Variants in RTF1 observed in about 807,000 individuals in gnomAD.
The protein encoded by RTF1 is RTF1 homolog, Paf1/RNA polymerase II complex component.
RTF1 carries 10 observed loss-of-function variants against 95.7 expected under a neutral mutation model. That is an observed-to-expected ratio of 0.10 (90% confidence interval 0.06 to 0.18). The LOEUF is 0.18. Among genes scored for constraint, RTF1 ranks in the 10% least tolerant of loss-of-function variants. The pLI is 1.00. For synonymous variants in RTF1, 305 were observed against 311.8 expected, an observed-to-expected ratio of 0.98 and a Z score of 0.23; for missense variants, 458 against 875.6, an observed-to-expected ratio of 0.52 and a Z score of 6.02.
intron 1 of RTF1, among the ~76,000 whole-genome samples, chr15:41,433,935 T>G (rs1375894868): frequency 6.7e-6 from 1 of 149,054 alleles, no homozygotes; most frequent in Non-Finnish European, 1.5e-5. Context: ...AACCTCTGCC[T>G]CCCAGGTTCA....
At chr15:41,429,987 T>G (rs2140947426) in intron 1 of RTF1, among the ~76,000 whole-genome samples, 1 of 143,536 alleles carries the variant, frequency 7.0e-6, no homozygotes, top group African/African-American at 2.5e-5. Flanking sequence ...TTAATTTAAT[T>G]TAATTTATTT....
intron 3 of RTF1, among the ~76,000 whole-genome samples, chr15:41,453,424 T>G (rs1294124307): frequency 6.6e-6 from 1 of 152,102 alleles, no homozygotes; most frequent in Non-Finnish European, 1.5e-5. Flanking sequence ...TTTTCAACAC[T>G]AGTTTGAAAA....
chr15:41,450,948 G>A (rs955119404), intron 2 of RTF1, among the ~76,000 whole-genome samples: 9 of 151,822 alleles, frequency 5.9e-5, no homozygotes, highest in South Asian at 4.1e-4. Flanking sequence ...CGAGACCCTG[G>A]CTCAAAAACA....
chr15:41,462,007 G>A (rs78147124), intron 4 of RTF1, among the ~76,000 whole-genome samples: 2 of 150,494 alleles, frequency 1.3e-5, no homozygotes, highest in Non-Finnish European at 3.0e-5. Context: ...CGTCCACCTC[G>A]GCTTCCCAAA....
At chr15:41,449,685 G>C (rs1174770586) in intron 2 of RTF1, among the ~76,000 whole-genome samples, 1 of 151,354 alleles carries the variant, frequency 6.6e-6, no homozygotes, top group East Asian at 1.9e-4. Flanking sequence ...TACTTTTCTG[G>C]TTGTGCACTG....
In RTF1 at chr15:41,449,227, A is replaced by ATTTTTTTTTTTTTTTT. The variant is rs34660598; in HGVS notation, c.310-3668_310-3653dup. 8.3e-4 allele frequency among the ~76,000 whole-genome samples: 91 copies of ATTTTTTTTTTTTTTTT among 109,280 alleles called. 2 individuals carry two copies. Among genetic ancestry groups the ATTTTTTTTTTTTTTTT allele is most frequent in the African/African-American group, 2.3e-3 (62 of 26,394 alleles). The allele number at this position is 109,280 out of a possible 152,430, so 71.7% of individuals were successfully genotyped here. The stretch of plus-strand genomic sequence containing the variant: ...TTGTCCCTGTTGTGGAGGCAGGTGA[A>ATTTTTTTTTTTTTTTT]TTTTTTTTTTTTTTTTTTTTTGAGA... On this transcript the variant is annotated intron_variant, in intron 2 of 17. Coordinates refer to ENST00000389629, the MANE Select transcript of RTF1 (RefSeq NM_015138.5).
At chr15:41,479,047 C>T in intron 15 of RTF1, 56 bp from the exon 16 acceptor site, 1 of 1,215,350 alleles carries the variant, frequency 8.2e-7, no homozygotes, top group Non-Finnish European at 1.2e-6. Context: ...AAGAATCTGG[C>T]AGTAGGACTC....
intron 1 of RTF1, among the ~76,000 whole-genome samples, chr15:41,418,109 G>T (rs1355538362): frequency 6.6e-6 from 1 of 152,206 alleles, no homozygotes; most frequent in Non-Finnish European, 1.5e-5. Flanking sequence ...TTTGGCCTCA[G>T]TGTCTTGGGG....
At chr15:41,424,527 C>G (rs1245681569) in intron 1 of RTF1, among the ~76,000 whole-genome samples, 1 of 151,922 alleles carries the variant, frequency 6.6e-6, no homozygotes, top group Non-Finnish European at 1.5e-5. Flanking sequence ...CTGTTTTGAC[C>G]CTTTGAGGAT....
chr15:41,422,633 A>G (rs1230592481), intron 1 of RTF1, among the ~76,000 whole-genome samples: 1 of 152,120 alleles, frequency 6.6e-6, no homozygotes, highest in Non-Finnish European at 1.5e-5. Flanking sequence ...AAATTGAGCT[A>G]TGTGCACACT....
chr15:41,474,639 T>C lies in RTF1; in HGVS notation c.1223T>C (p.Val408Ala), dbSNP rs760784199. 12 of 1,614,056 alleles carry C rather than the reference T, an allele frequency of 7.4e-6. No homozygotes were observed. The highest frequency in any genetic ancestry group is 1.0e-5 in the Non-Finnish European group (12 of 1,179,926). The change falls in exon 9 of 18, where the codon GTT (valine) becomes GCT (alanine). Residue 408 changes from valine to alanine, a missense_variant. Around this residue, in one of 11 missense-constraint regions of RTF1, gnomAD observed 150 missense variants for 275.7 expected, o/e 0.54. Coordinates refer to ENST00000389629, the MANE Select transcript of RTF1 (RefSeq NM_015138.5). ...ACTTAGGTCGCTGAGATTACGGGTG[T>C]TGTGGAAACTGCCAAAGTTTACCAA... ...PVYRVAEITGVVETAKVYQLG... is the reference protein window; with the variant it reads ...PVYRVAEITGAVETAKVYQLG...
At chr15:41,448,011 C>G (rs1014717759) in intron 2 of RTF1, among the ~76,000 whole-genome samples, 1 of 152,086 alleles carries the variant, frequency 6.6e-6, no homozygotes, top group African/African-American at 2.4e-5. Flanking sequence ...TTCATTTTCC[C>G]TCTGTCTCAG....
intron 6 of RTF1, among the ~76,000 whole-genome samples, chr15:41,467,638 C>G (rs546984154): frequency 1.3e-5 from 2 of 151,960 alleles, no homozygotes; most frequent in Non-Finnish European, 2.9e-5. Flanking sequence ...TCCCTTGAAC[C>G]CGGGAGACGG....
At position 41,481,261 on chromosome 15, in the gene RTF1, A is replaced by T. The variant is rs2050972697; in HGVS notation, c.*574A>T. On this transcript the variant is annotated 3_prime_UTR_variant, in exon 18 of 18. Transcript: ENST00000389629. Reference sequence around the variant, plus strand: ...TACATTTGTGGGGGGGGGGGGTCTAATTTGAGAGCGAGAGTGTGTATGTGT... The same window carrying T: ...TACATTTGTGGGGGGGGGGGGTCTATTTTGAGAGCGAGAGTGTGTATGTGT... The T allele has an allele frequency of 6.9e-6, 1 of 145,250 alleles. No individual in the cohort carries two copies. The allele number at this position is 145,250 out of a possible 1,614,324, so 9.0% of individuals were successfully genotyped here.
intron 1 of RTF1, among the ~76,000 whole-genome samples, chr15:41,419,270 T>C (rs908387566): frequency 6.6e-6 from 1 of 152,216 alleles, no homozygotes; most frequent in Non-Finnish European, 1.5e-5. Flanking sequence ...TTGGCTACCA[T>C]TTATATAGTG....
chr15:41,452,733 CA>C (rs904266307), intron 2 of RTF1, among the ~76,000 whole-genome samples, 167 bp from the exon 3 acceptor site: 7 of 148,264 alleles, frequency 4.7e-5, no homozygotes, highest in South Asian at 4.3e-4. Context: ...GACCCTGTTT[CA>C]AAAAAAAAAT....
chr15:41,471,057 C>G (rs1484148398), intron 7 of RTF1, 115 bp from the exon 8 acceptor site: 3 of 940,946 alleles, frequency 3.2e-6, no homozygotes, highest in African/African-American at 3.3e-5. Flanking sequence ...ATTTACTTCT[C>G]CTCCTAGGCC....
intron 2 of RTF1, among the ~76,000 whole-genome samples, chr15:41,448,060 A>G (rs2050772180): frequency 6.6e-6 from 1 of 152,174 alleles, no homozygotes; most frequent in Non-Finnish European, 1.5e-5. Context: ...TGGGTGAGCC[A>G]TCTCTGGACT....
intron 1 of RTF1, among the ~76,000 whole-genome samples, chr15:41,418,543 C>T (rs2050583238): frequency 6.6e-6 from 1 of 151,944 alleles, no homozygotes; most frequent in Non-Finnish European, 1.5e-5. Context: ...AGGGGCTGGG[C>T]GCGGTGGCTC....
Sources: gnomAD v4.1 joint callset for allele counts (sites outside exome capture counted in the v4.1 genomes callset) on GRCh38, gnomAD v4.1.1 for gene constraint, gnomAD v4.1.1 regional missense constraint, MANE v1.5 for transcripts, NCBI Gene and HGNC (gene_info 2026-07-23, HGNC 2026-07-21) for gene names.